DGKB: variants seen among roughly 807,000 people sequenced by gnomAD.
The protein encoded by DGKB is diacylglycerol kinase beta.
A neutral mutation model predicts 114.3 loss-of-function variants in DGKB; 67 were observed. That is an observed-to-expected ratio of 0.59 (90% CI 0.48 to 0.72). DGKB has a LOEUF of 0.72. Ranked by LOEUF, DGKB falls within the 30% of genes least tolerant of loss-of-function variation. The probability of loss-of-function intolerance (pLI) is 0.00; values close to 1 mark genes in which losing one functional copy is unlikely to be tolerated. For missense variants in DGKB, 907 were observed against 975.2 expected (o/e 0.93, Z 0.93); for synonymous variants, 398 against 323.1 (o/e 1.23, Z -2.49).
At chr7:14,898,703 G>C (rs1468876714) in intron 1 of DGKB, among the ~76,000 whole-genome samples, 1 of 152,034 alleles carries the variant, frequency 6.6e-6, no homozygotes, top group Non-Finnish European at 1.5e-5. Flanking sequence ...ACAAGAGAAT[G>C]AATCAGGGCC....
At chr7:14,311,950 G>A (rs1433653206) in intron 23 of DGKB, among the ~76,000 whole-genome samples, 1 of 152,120 alleles carries the variant, frequency 6.6e-6, no homozygotes, top group Non-Finnish European at 1.5e-5. Flanking sequence ...GTATATGACA[G>A]TGGATAACTG....
At position 14,753,956 on chromosome 7, in the gene DGKB, T is replaced by C. The variant is rs1185480531; in HGVS notation, c.148-8A>G. 3.3e-6 allele frequency: 5 copies of C among 1,513,034 alleles called. No individual in the cohort carries two copies. Among genetic ancestry groups the C allele is most frequent in the Admixed American group, 3.7e-5 (2 of 53,686 alleles). 93.7% of individuals were successfully genotyped at this position (1,513,034 alleles called of 1,614,324 possible). Reference sequence around the variant, plus strand: ...GTTAAGAATGTCTTGTTTCTGTGCATGCAAGGAAAGAAAGAATACATGTGT... The same window carrying C: ...GTTAAGAATGTCTTGTTTCTGTGCACGCAAGGAAAGAAAGAATACATGTGT... On this transcript the variant is annotated splice_polypyrimidine_tract_variant and splice_region_variant and intron_variant, in intron 3 of 25. Coordinates refer to ENST00000402815, the MANE Select transcript of DGKB (RefSeq NM_001350709.2).
intron 2 of DGKB, among the ~76,000 whole-genome samples, chr7:14,781,912 C>T (rs984886280): frequency 6.6e-6 from 1 of 152,116 alleles, no homozygotes; most frequent in Non-Finnish European, 1.5e-5. Context: ...CCTTCTTTTT[C>T]TTCTTTCCTT....
At chr7:14,626,540 G>A (rs11977169) in intron 14 of DGKB, among the ~76,000 whole-genome samples, 538 of 152,282 alleles carry the variant, frequency 3.5e-3, no homozygotes, top group African/African-American at 0.012. Flanking sequence ...ATGCAGAAAT[G>A]TTACCACATT....
intron 13 of DGKB, among the ~76,000 whole-genome samples, chr7:14,640,683 T>C (rs1400299159): frequency 2.0e-5 from 3 of 152,136 alleles, no homozygotes; most frequent in Non-Finnish European, 2.9e-5. Context: ...ATTTACAAAA[T>C]TGATGTGTGG....
At chr7:14,165,483 A>G (rs62443532) in intron 25 of DGKB, among the ~76,000 whole-genome samples, 73,204 of 151,888 alleles carry the variant, frequency 0.48, 17,614 homozygotes, top group East Asian at 0.58. Flanking sequence ...TATTCCTGCT[A>G]TAAATCCTTT....
chr7:14,377,306 T>G (rs527934976), intron 21 of DGKB, among the ~76,000 whole-genome samples: 1 of 152,310 alleles, frequency 6.6e-6, no homozygotes, highest in South Asian at 2.1e-4. Flanking sequence ...TAACAATGGT[T>G]TCATTAATTT....
intron 17 of DGKB, among the ~76,000 whole-genome samples, chr7:14,597,473 T>A (rs1181010315): frequency 6.6e-6 from 1 of 152,220 alleles, no homozygotes; most frequent in Non-Finnish European, 1.5e-5. Flanking sequence ...ATGTATTATA[T>A]TCCAAATCCA....
At chr7:14,862,508 T>C (rs1445214473) in intron 1 of DGKB, among the ~76,000 whole-genome samples, 1 of 152,094 alleles carries the variant, frequency 6.6e-6, no homozygotes, top group Non-Finnish European at 1.5e-5. Flanking sequence ...AATATTATTT[T>C]CATCTTACAG....
intron 21 of DGKB, among the ~76,000 whole-genome samples, chr7:14,467,450 G>C (rs2128880408): frequency 6.6e-6 from 1 of 151,070 alleles, no homozygotes; most frequent in East Asian, 1.9e-4. Flanking sequence ...ATAAGTAACA[G>C]ACAAATATAT....
chr7:14,620,776 G>C (rs10251321), intron 15 of DGKB, among the ~76,000 whole-genome samples: 48,459 of 151,164 alleles, frequency 0.32, 8,125 homozygotes, highest in East Asian at 0.69. Context: ...TGCCACAGGC[G>C]GTAAAGATAA....
chr7:14,662,365 T>C (rs955089615), intron 13 of DGKB, among the ~76,000 whole-genome samples: 1 of 151,942 alleles, frequency 6.6e-6, no homozygotes, highest in Admixed American at 6.6e-5. Flanking sequence ...TTTTAGGAAA[T>C]ATTTAATCAT....
At chr7:14,520,815 TA>T (rs1789646675) in intron 20 of DGKB, among the ~76,000 whole-genome samples, 1 of 152,108 alleles carries the variant, frequency 6.6e-6, no homozygotes, top group South Asian at 2.1e-4. Context: ...GTAGGGTGTT[TA>T]ATAGAAGTCG....
At chr7:14,379,827 G>C (rs1405898942) in intron 21 of DGKB, among the ~76,000 whole-genome samples, 1 of 151,046 alleles carries the variant, frequency 6.6e-6, no homozygotes, top group African/African-American at 2.4e-5. Context: ...CAAAGTGTTG[G>C]GATTACAGGC....
intron 9 of DGKB, among the ~76,000 whole-genome samples, chr7:14,686,560 C>T (rs1464032749): frequency 6.6e-6 from 1 of 152,152 alleles, no homozygotes; most frequent in East Asian, 1.9e-4. Context: ...AACGTTACTC[C>T]TGTGGTAGTG....
intron 2 of DGKB, among the ~76,000 whole-genome samples, chr7:14,836,495 T>C (rs1197794354): frequency 6.6e-6 from 1 of 152,184 alleles, no homozygotes; most frequent in Non-Finnish European, 1.5e-5. Context: ...ATAGAAAATA[T>C]TGTTATCCAT....
At chr7:14,864,459 G>T (rs1851433415) in intron 1 of DGKB, among the ~76,000 whole-genome samples, 1 of 152,210 alleles carries the variant, frequency 6.6e-6, no homozygotes. Flanking sequence ...ACATTCTAGT[G>T]ATACAAAGGT....
At chr7:14,947,665 T>C (rs2128258316) in intron 1 of DGKB, among the ~76,000 whole-genome samples, 1 of 147,180 alleles carries the variant, frequency 6.8e-6, no homozygotes, top group South Asian at 2.3e-4. Flanking sequence ...GTGTCTTAAT[T>C]TGTATCATGT....
At chr7:14,809,256 C>T (rs372847010) in intron 2 of DGKB, among the ~76,000 whole-genome samples, 4 of 152,036 alleles carry the variant, frequency 2.6e-5, no homozygotes, top group African/African-American at 4.8e-5. Flanking sequence ...ATTTAATTTA[C>T]GATAGTTTTA....
Sources: gnomAD v4.1 joint callset for allele counts (sites outside exome capture counted in the v4.1 genomes callset) on GRCh38, gnomAD v4.1.1 for gene constraint, MANE v1.5 for transcripts, NCBI Gene and HGNC (gene_info 2026-07-23, HGNC 2026-07-21) for gene names.